Variants in RAB3D observed in about 807,000 individuals in gnomAD.
RAB3D encodes RAB3D, member RAS oncogene family.
In RAB3D, 17 loss-of-function variants were observed where a neutral mutation model predicts 19.3. The observed-to-expected ratio is 0.88, with a 90% confidence interval of 0.60 to 1.32. The LOEUF (loss-of-function observed/expected upper bound fraction) is 1.32. RAB3D is among the 40% of genes most tolerant of loss of function. The pLI, the probability that RAB3D is intolerant of heterozygous loss-of-function variation, is 0.00. For synonymous variants in RAB3D, 103 were observed against 119.9 expected, an observed-to-expected ratio of 0.86 and a Z score of 0.92; for missense variants, 223 against 299.1, an observed-to-expected ratio of 0.75 and a Z score of 1.88.
chr19:11,325,390 G>T lies in RAB3D; in HGVS notation c.*8C>A. ...GGAGAGGGGTGGGTGGGGGGTTGGG[G>T]GCCATCTCTAGCAGCTGCAGCTGCT... On this transcript the variant is annotated 3_prime_UTR_variant, in exon 5 of 5. Coordinates refer to ENST00000222120, the MANE Select transcript of RAB3D (RefSeq NM_004283.4). 7.5e-7 allele frequency: 1 copy of T among 1,338,674 alleles called. No individual in the cohort carries two copies. Among genetic ancestry groups the T allele is most frequent in the South Asian group, 1.2e-5 (1 of 82,896 alleles). The allele number at this position is 1,338,674 out of a possible 1,614,324, so 82.9% of individuals were successfully genotyped here. A position where few individuals can be genotyped will look rare whatever the true frequency, so the allele number is the denominator to read the frequency against.
At chr19:11,327,887 TA>T (rs2080821328) in intron 4 of RAB3D, among the ~76,000 whole-genome samples, 1 of 151,876 alleles carries the variant, frequency 6.6e-6, no homozygotes, top group Admixed American at 6.6e-5. Flanking sequence ...TGTCATTCAA[TA>T]GAGAAATTTA....
At chr19:11,327,035 C>T (rs1271065992) in intron 4 of RAB3D, 7 of 467,490 alleles carry the variant, frequency 1.5e-5, no homozygotes, top group Admixed American at 8.0e-5. Flanking sequence ...CCACGTTACA[C>T]GTGGCCAAGG....
intron 4 of RAB3D, among the ~76,000 whole-genome samples, chr19:11,330,357 C>A (rs541810610): frequency 2.0e-5 from 3 of 152,300 alleles, no homozygotes; most frequent in African/African-American, 7.2e-5. Flanking sequence ...TGTATTGAGA[C>A]AGCCTGTAAT....
rs1196823019 is a variant in RAB3D, at chr19:11,337,457, C to T, written c.-58G>A. 7.8e-6 allele frequency: 11 copies of T among 1,410,098 alleles called. No individual in the cohort carries two copies. The highest frequency in any genetic ancestry group is 1.7e-5 in the Admixed American group (1 of 59,268). 87.3% of individuals were successfully genotyped at this position (1,410,098 alleles called of 1,614,324 possible). On this transcript the variant is annotated 5_prime_UTR_variant, in exon 2 of 5. Transcript: ENST00000222120. ...GAAATCCTCAGGGAGAGGAGACGGG[C>T]GTCCTGCAGGGGAATCAAACATCAA... is the stretch of plus-strand genomic sequence containing the variant.
chr19:11,334,210 C>T (rs867303150), intron 4 of RAB3D, among the ~76,000 whole-genome samples: 4 of 152,208 alleles, frequency 2.6e-5, no homozygotes, highest in Non-Finnish European at 4.4e-5. Flanking sequence ...CGGTGGCTCA[C>T]GCCTGTAATC....
chr19:11,337,952 C>G (rs1425720829), intron 1 of RAB3D, among the ~76,000 whole-genome samples: 5 of 152,274 alleles, frequency 3.3e-5, no homozygotes, highest in Non-Finnish European at 7.4e-5. Context: ...GGATTACAGG[C>G]ATGAGCCACC....
chr19:11,329,159 T>C (rs1383964590), intron 4 of RAB3D, among the ~76,000 whole-genome samples: 1 of 151,948 alleles, frequency 6.6e-6, no homozygotes, highest in Non-Finnish European at 1.5e-5. Context: ...ACTCAAGTGA[T>C]CCTCTGCCTT....
chr19:11,337,196 G>T lies in RAB3D; in HGVS notation c.204C>A (p.Asp68Glu). ...CCCAGATCTGCAGCTTGATCCTCTT[G>T]TCATGGCGGTAGACGGTCTTGACCT... ...DFKVKTVYRH[D>E]KRIKLQIWDT... Residue 68 changes from aspartate (D) to glutamate (E), a missense_variant, in exon 2 of 5, where the codon GAC (aspartate) becomes GAA (glutamate). Coordinates refer to ENST00000222120, the MANE Select transcript of RAB3D (RefSeq NM_004283.4). 1 of 1,613,888 alleles carries T rather than the reference G, an allele frequency of 6.2e-7. No individual in the cohort carries two copies. The highest frequency in any genetic ancestry group is 8.5e-7 in the Non-Finnish European group (1 of 1,179,930).
At chr19:11,333,997 C>A (rs976939850) in intron 4 of RAB3D, among the ~76,000 whole-genome samples, 1 of 151,978 alleles carries the variant, frequency 6.6e-6, no homozygotes, top group African/African-American at 2.4e-5. Flanking sequence ...CGCCCGGCCA[C>A]AAATAAAGTT....
chr19:11,335,438 G>C lies in RAB3D; in HGVS notation c.472+9C>G, dbSNP rs750692054. 1.2e-6 allele frequency: 2 copies of C among 1,613,916 alleles called. No individual in the cohort carries two copies. The highest frequency in any genetic ancestry group is 1.7e-6 in the Non-Finnish European group (2 of 1,179,922). ...AGACCAGGGCCTGTGGCCCAGGCTGGGCACTAACCAAGGTCGTCGGCGAGC... is the reference window on the plus strand; with the variant it reads ...AGACCAGGGCCTGTGGCCCAGGCTGCGCACTAACCAAGGTCGTCGGCGAGC... On this transcript the variant is annotated intron_variant, in intron 4 of 4. Coordinates refer to ENST00000222120, the MANE Select transcript of RAB3D (RefSeq NM_004283.4).
In RAB3D at chr19:11,337,467, G is replaced by T; in HGVS notation, c.-61-7C>A. The T allele has an allele frequency of 1.5e-6, 2 of 1,316,940 alleles. No individual in the cohort carries two copies. Among genetic ancestry groups the T allele is most frequent in the Non-Finnish European group, 1.1e-6 (1 of 915,402 alleles). The allele number at this position is 1,316,940 out of a possible 1,614,324, so 81.6% of individuals were successfully genotyped here. On this transcript the variant is annotated splice_polypyrimidine_tract_variant and splice_region_variant and intron_variant, in intron 1 of 4. Coordinates refer to ENST00000222120, the MANE Select transcript of RAB3D (RefSeq NM_004283.4). The stretch of plus-strand genomic sequence containing the variant: ...GGGAGAGGAGACGGGCGTCCTGCAG[G>T]GGAATCAAACATCAAGAACAGCTCC...
At chr19:11,333,839 G>A (rs550878893) in intron 4 of RAB3D, among the ~76,000 whole-genome samples, 13 of 151,964 alleles carry the variant, frequency 8.6e-5, no homozygotes, top group African/African-American at 2.4e-4. Flanking sequence ...GATTACAGGC[G>A]TCTGTCACCA....
In RAB3D at chr19:11,335,756, T is replaced by C; in HGVS notation, c.256A>G (p.Thr86Ala). The change falls in exon 3 of 5, where the codon ACC (threonine) becomes GCC (alanine). Residue 86 changes from threonine (T) to alanine (A), a missense_variant. By Grantham distance (58) the Thr-to-Ala change is moderately conservative. Transcript: ENST00000222120. ...WDTAGQERYR[T>A]ITTAYYRGAM... ...CCCCGGTAGTAGGCCGTGGTGATGGTGCGGTAGCGCTCCTGGCCCGCTGTG... is the reference window on the plus strand; with the variant it reads ...CCCCGGTAGTAGGCCGTGGTGATGGCGCGGTAGCGCTCCTGGCCCGCTGTG... 1.2e-6 allele frequency: 2 copies of C among 1,614,178 alleles called. No individual in the cohort carries two copies. The highest frequency in any genetic ancestry group is 1.3e-5 in the African/African-American group (1 of 75,048).
rs1182568687 is a variant in RAB3D at position 11,322,861 on chromosome 19, C to G, written c.*2537G>C. The G allele has an allele frequency of 6.6e-6, 1 of 152,198 alleles. No homozygotes were observed. The highest frequency in any genetic ancestry group is 1.5e-5 in the Non-Finnish European group (1 of 68,040). 9.4% of individuals were successfully genotyped at this position (152,198 alleles called of 1,614,324 possible). Reference sequence around the variant, plus strand: ...CAGGTTAGCTCTGCCCTATTCAAGACAATCTGATCCATTCCTTTTTTTGAC... The same window carrying G: ...CAGGTTAGCTCTGCCCTATTCAAGAGAATCTGATCCATTCCTTTTTTTGAC... On this transcript the variant is annotated 3_prime_UTR_variant, in exon 5 of 5. Coordinates refer to ENST00000222120, the MANE Select transcript of RAB3D (RefSeq NM_004283.4).
Position 11,337,266 on chromosome 19 carries a change from T to A in RAB3D, c.134A>T (p.Asp45Val), listed in dbSNP as rs758944546. Residue 45 changes from aspartate to valine, a missense_variant, in exon 2 of 5, where the codon GAC becomes GTC. Transcript: ENST00000222120. ...KTSFLFRYADDSFTPAFVSTV... is the reference protein window; with the variant it reads ...KTSFLFRYADVSFTPAFVSTV... ...ACTGACGAAGGCGGGAGTGAAGGAG[T>A]CGTCCGCGTATCGGAACAGGAAGGA... 6.2e-7 allele frequency: 1 copy of A among 1,613,066 alleles called. No homozygotes were observed. The highest frequency in any genetic ancestry group is 8.5e-7 in the Non-Finnish European group (1 of 1,179,832).
chr19:11,337,309 TG>T lies in RAB3D; in HGVS notation c.90del (p.Asn30LysfsTer143). 6.2e-7 allele frequency: 1 copy of T among 1,614,180 alleles called. No individual in the cohort carries two copies. The highest frequency in any genetic ancestry group is 8.5e-7 in the Non-Finnish European group (1 of 1,180,032). On this transcript the variant is annotated frameshift_variant, in exon 2 of 5. Coordinates refer to ENST00000222120, the MANE Select transcript of RAB3D (RefSeq NM_004283.4). LOFTEE classifies it high-confidence loss of function. Reference sequence around the variant, plus strand: ...AGGAAGGAAGTCTTGCCCACACTGCTGTTGCCTATCAGTAGCAGTTTGAACA... The same window carrying T: ...AGGAAGGAAGTCTTGCCCACACTGCTTTGCCTATCAGTAGCAGTTTGAACA... ...DYMFKLLLIGNSSVGKTSFLF... is the reference protein window; with the variant it reads ...DYMFKLLLIGXSSVGKTSFLF...
chr19:11,333,549 G>A (rs1281235559), intron 4 of RAB3D, among the ~76,000 whole-genome samples: 1 of 152,188 alleles, frequency 6.6e-6, no homozygotes, highest in Non-Finnish European at 1.5e-5. Flanking sequence ...GAAGCTGGGA[G>A]ACCAGAACTG....
chr19:11,336,387 C>T lies in RAB3D; in HGVS notation c.229-604G>A, dbSNP rs371967496. 4.9e-4 allele frequency among the ~76,000 whole-genome samples: 75 copies of T among 152,208 alleles called. 2 individuals are homozygous for T. The South Asian group carries it at 0.015, about 30-fold the overall frequency. On this transcript the variant is annotated intron_variant, in intron 2 of 4. Coordinates refer to ENST00000222120, the MANE Select transcript of RAB3D (RefSeq NM_004283.4). ...GCAGCGGTGCAATCATAGCTCACTGCAGCCTCGAACTCCTGGGCTCAAGCA... is the reference window on the plus strand; with the variant it reads ...GCAGCGGTGCAATCATAGCTCACTGTAGCCTCGAACTCCTGGGCTCAAGCA...
chr19:11,336,838 C>T (rs1011536506), intron 2 of RAB3D, among the ~76,000 whole-genome samples: 1 of 151,730 alleles, frequency 6.6e-6, no homozygotes, highest in African/African-American at 2.4e-5. Context: ...GGTGTGGTGG[C>T]GTGCACCTGT....
Sources: gnomAD v4.1 joint callset for allele counts (sites outside exome capture counted in the v4.1 genomes callset) on GRCh38, gnomAD v4.1.1 for gene constraint, MANE v1.5 for transcripts, NCBI Gene and HGNC (gene_info 2026-07-23, HGNC 2026-07-21) for gene names.